COX7B2: variants seen among roughly 807,000 people sequenced by gnomAD.
The protein encoded by COX7B2 is cytochrome c oxidase subunit 7B2, mitochondrial.
For synonymous variants in COX7B2, 37 were observed against 32.1 expected, an observed-to-expected ratio of 1.15 and a Z score of -0.51; for missense variants, 109 against 95.9, an observed-to-expected ratio of 1.14 and a Z score of -0.57.
intron 1 of COX7B2, among the ~76,000 whole-genome samples, chr4:46,863,555 G>T (rs549395627): frequency 2.0e-5 from 3 of 152,114 alleles, no homozygotes; most frequent in Non-Finnish European, 2.9e-5. Flanking sequence ...AAAATTACAA[G>T]AAATTTTTAT....
At chr4:46,756,349 T>C (rs922512584) in intron 2 of COX7B2, among the ~76,000 whole-genome samples, 9 of 151,686 alleles carry the variant, frequency 5.9e-5, no homozygotes, top group African/African-American at 1.7e-4. Context: ...CCTAAAAGTA[T>C]AAAAATCCTA....
Position 46,831,987 on chromosome 4 carries a change from A to T in COX7B2, c.-50+12973T>A, listed in dbSNP as rs114923830. On this transcript the variant is annotated intron_variant, in intron 2 of 2. Transcript: ENST00000355591. ...TTTTGTGTCTAGCTCAGGAATGGTA[A>T]ATGCACCAATCAGCACCCTGTTAAA... Among the ~76,000 whole-genome samples the T allele has an allele frequency of 3.6e-3, 551 of 152,258 alleles. 6 individuals carry two copies. The highest frequency in any genetic ancestry group is 0.012 in the African/African-American group (513 of 41,556).
At chr4:46,737,300 A>G (rs529593674) in intron 2 of COX7B2, among the ~76,000 whole-genome samples, 272 of 152,134 alleles carry the variant, frequency 1.8e-3, no homozygotes, top group Non-Finnish European at 3.2e-3. Context: ...TCATTTTCTT[A>G]TTGTTGAATT....
intron 2 of COX7B2, among the ~76,000 whole-genome samples, chr4:46,770,994 GC>G (rs1226243242): frequency 6.6e-6 from 1 of 151,980 alleles, no homozygotes; most frequent in African/African-American, 2.4e-5. Context: ...AAACTAAAAA[GC>G]TTTGCAAAGC....
chr4:46,852,341 T>C (rs975346891), intron 1 of COX7B2, among the ~76,000 whole-genome samples: 4 of 152,098 alleles, frequency 2.6e-5, no homozygotes, highest in South Asian at 4.1e-4. Context: ...TTTCGCACTT[T>C]CTTACTTTCT....
intron 2 of COX7B2, among the ~76,000 whole-genome samples, chr4:46,784,529 GC>G (rs1316713035): frequency 6.6e-6 from 1 of 152,160 alleles, no homozygotes; most frequent in Non-Finnish European, 1.5e-5. Flanking sequence ...GGAGGCTGAG[GC>G]AGGAGAATTG....
intron 2 of COX7B2, among the ~76,000 whole-genome samples, chr4:46,772,871 G>T (rs1716951859): frequency 6.6e-6 from 1 of 152,136 alleles, no homozygotes; most frequent in Admixed American, 6.5e-5. Context: ...TAGACAGTAG[G>T]ACACCAAATT....
intron 2 of COX7B2, among the ~76,000 whole-genome samples, chr4:46,826,446 T>C (rs1006327994): frequency 1.3e-5 from 2 of 152,134 alleles, no homozygotes; most frequent in East Asian, 1.9e-4. Context: ...TCAACTGTTA[T>C]GGAAAGTAGT....
rs746057878 is a variant in COX7B2, at chr4:46,735,069, C to T, written c.124G>A (p.Val42Met). Reference sequence around the variant, plus strand: ...CAGAAAGCAGTTCCACTGGCTAGCACAGCATTACCATATTTATCATGAAAA... The same window carrying T: ...CAGAAAGCAGTTCCACTGGCTAGCATAGCATTACCATATTTATCATGAAAA... Reference protein sequence around the residue: ...PDFHDKYGNAVLASGTAFCVA... With the variant: ...PDFHDKYGNAMLASGTAFCVA... The change falls in exon 3 of 3, where the codon GTG (valine) becomes ATG (methionine). Residue 42 changes from valine (V) to methionine (M), a missense_variant. Transcript: ENST00000355591. 6.2e-7 allele frequency: 1 copy of T among 1,613,930 alleles called. No individual in the cohort carries two copies.
intron 2 of COX7B2, among the ~76,000 whole-genome samples, chr4:46,778,863 C>T (rs960452797): frequency 1.3e-5 from 2 of 152,074 alleles, no homozygotes; most frequent in South Asian, 2.1e-4. Flanking sequence ...TTGTTGGACT[C>T]CTTTAAAACA....
At chr4:46,774,462 G>A (rs987000100) in intron 2 of COX7B2, among the ~76,000 whole-genome samples, 16 of 151,924 alleles carry the variant, frequency 1.1e-4, no homozygotes, top group African/African-American at 3.9e-4. Context: ...AATATTTTGT[G>A]GATAGTCCTA....
At chr4:46,737,324 G>T (rs1714428385) in intron 2 of COX7B2, among the ~76,000 whole-genome samples, 1 of 152,038 alleles carries the variant, frequency 6.6e-6, no homozygotes. Context: ...AGAGTTCTTT[G>T]TATATTCTGG....
intron 2 of COX7B2, among the ~76,000 whole-genome samples, chr4:46,838,837 C>T (rs1715720331): frequency 6.6e-6 from 1 of 151,766 alleles, no homozygotes; most frequent in African/African-American, 2.4e-5. Flanking sequence ...GGCATTTGGC[C>T]CAACCATAGA....
intron 1 of COX7B2, among the ~76,000 whole-genome samples, chr4:46,891,002 T>G (rs1719400375): frequency 6.6e-6 from 1 of 152,148 alleles, no homozygotes; most frequent in South Asian, 2.1e-4. Flanking sequence ...GATGCTGTCT[T>G]GATGAAAGTG....
intron 2 of COX7B2, among the ~76,000 whole-genome samples, chr4:46,788,487 CT>C (rs1301360489): frequency 1.3e-5 from 2 of 152,050 alleles, no homozygotes; most frequent in African/African-American, 4.8e-5. Context: ...AGTAAAATGG[CT>C]GTTTGTAAGG....
Position 46,777,897 on chromosome 4 carries a change from A to G in COX7B2, c.-49-42656T>C, listed in dbSNP as rs548453205. On this transcript the variant is annotated intron_variant, in intron 2 of 2. Coordinates refer to ENST00000355591, the MANE Select transcript of COX7B2 (RefSeq NM_130902.3). ...AAGTTAAACAGATGGACCAAATAAC[A>G]TGATATATCTATCTTCTCCCAGGAA... 2.6e-5 allele frequency among the ~76,000 whole-genome samples: 4 copies of G among 152,282 alleles called. No individual in the cohort carries two copies. In the East Asian group the frequency reaches 7.7e-4, roughly 29 times the overall value.
chr4:46,753,054 T>C (rs1005191084), intron 2 of COX7B2, among the ~76,000 whole-genome samples: 3 of 152,162 alleles, frequency 2.0e-5, no homozygotes, highest in South Asian at 2.1e-4. Flanking sequence ...TCCTGGACTT[T>C]TTTTGGTTGG....
At chr4:46,742,189 GT>G (rs1370695105) in intron 2 of COX7B2, among the ~76,000 whole-genome samples, 1 of 152,088 alleles carries the variant, frequency 6.6e-6, no homozygotes, top group Non-Finnish European at 1.5e-5. Context: ...TAATACAGGT[GT>G]TCTGCTGTAT....
rs1228184530 is a variant in COX7B2 at position 46,754,726 on chromosome 4, G to GTATATATATATATATATATA, written c.-49-19486_-49-19485insTATATATATATATATATATA. Among the ~76,000 whole-genome samples the GTATATATATATATATATATA allele has an allele frequency of 3.3e-3, 153 of 46,100 alleles. 1 individual carries two copies. Among genetic ancestry groups the GTATATATATATATATATATA allele is most frequent in the African/African-American group, 7.5e-3 (78 of 10,332 alleles). 30.2% of individuals were successfully genotyped at this position (46,100 alleles called of 152,430 possible). On this transcript the variant is annotated intron_variant, in intron 2 of 2. Transcript: ENST00000355591. ...TGTGTGTGTGTGTGTGTGTGTGTGT[G>GTATATATATATATATATATA]TGTATATATATATATATATATATGA...
Sources: gnomAD v4.1 joint callset for allele counts (sites outside exome capture counted in the v4.1 genomes callset) on GRCh38, gnomAD v4.1.1 for gene constraint, MANE v1.5 for transcripts, NCBI Gene and HGNC (gene_info 2026-07-23, HGNC 2026-07-21) for gene names.